The following CAST variants were observed in gnomAD, a reference collection of about 807,000 sequenced individuals.
The protein encoded by CAST is MIR583 host.
Under a neutral mutation model 119.6 loss-of-function variants are expected in CAST, and 76 were observed. The observed-to-expected ratio is 0.64, with a 90% CI of 0.53 to 0.77. The LOEUF (loss-of-function observed/expected upper bound fraction) is 0.77, where lower values mean the gene tolerates loss of function less well. Ranked by LOEUF, CAST falls within the 30% of genes least tolerant of loss-of-function variation. The pLI, the probability that CAST is intolerant of heterozygous loss-of-function variation, is 0.00. For synonymous variants in CAST, 319 were observed against 331.6 expected (o/e 0.96, Z 0.41); for missense variants, 953 against 946.5 (o/e 1.01, Z -0.09).
Position 96,700,595 on chromosome 5 carries a change from G to A in CAST, c.210+4688G>A, listed in dbSNP as rs140931483. 6.1e-4 allele frequency among the ~76,000 whole-genome samples: 93 copies of A among 152,304 alleles called. 1 individual carries two copies. The East Asian group carries it at 0.011, about 18-fold the overall frequency. On this transcript the variant is annotated intron_variant, in intron 3 of 31. Transcript: ENST00000675179. The stretch of plus-strand genomic sequence containing the variant: ...GCTGCTGCTTTGGCAACCACATTTT[G>A]AGTAGCCAGGAGACTGAATAGTGCA...
chr5:96,155,940 G>A, the CAST span, among the ~76,000 whole-genome samples: 1 of 152,204 alleles, frequency 6.6e-6, no homozygotes, highest in African/African-American at 2.4e-5. Context: ...TAAAGGGAGG[G>A]GGCCTCACTG....
upstream of CAST, among the ~76,000 whole-genome samples, chr5:96,524,675 T>C (rs1745571462): frequency 6.6e-6 from 1 of 152,200 alleles, no homozygotes; most frequent in African/African-American, 2.4e-5. Context: ...TAGAGCACCC[T>C]GCCCCTATAT....
chr5:96,001,677 A>G, the CAST span, among the ~76,000 whole-genome samples: 1 of 152,228 alleles, frequency 6.6e-6, no homozygotes, highest in East Asian at 1.9e-4. Flanking sequence ...GCAAACCTAC[A>G]GTGTAAGATA....
chr5:96,429,810 AG>A, the CAST span, among the ~76,000 whole-genome samples: 1 of 152,224 alleles, frequency 6.6e-6, no homozygotes, highest in Non-Finnish European at 1.5e-5. Context: ...GATGACCCTC[AG>A]AATATTATTG....
the CAST span, among the ~76,000 whole-genome samples, chr5:96,286,277 A>G: frequency 6.6e-6 from 1 of 152,132 alleles, no homozygotes; most frequent in South Asian, 2.1e-4. Flanking sequence ...TGCTTTAAAT[A>G]CTCTAGTTGC....
At chr5:96,384,750 G>A in the CAST span, among the ~76,000 whole-genome samples, 1 of 152,318 alleles carries the variant, frequency 6.6e-6, no homozygotes, top group African/African-American at 2.4e-5. Context: ...CTTTCCAAGT[G>A]AGCCGAGAGA....
chr5:96,675,681 T>G, intron 2 of CAST, 80 bp downstream of exon 2: 1 of 1,052,940 alleles, frequency 9.5e-7, no homozygotes, highest in Non-Finnish European at 1.4e-6. Flanking sequence ...AATAACGATG[T>G]AGCAAAGAGC....
the CAST span, among the ~76,000 whole-genome samples, chr5:96,455,388 T>C: frequency 6.6e-6 from 1 of 152,266 alleles, no homozygotes; most frequent in African/African-American, 2.4e-5. Flanking sequence ...AGGTGACTTT[T>C]ATTTTGGGCA....
At chr5:96,592,047 T>C (rs1228739969) in intron 1 of CAST, among the ~76,000 whole-genome samples, 1 of 152,180 alleles carries the variant, frequency 6.6e-6, no homozygotes, top group Admixed American at 6.5e-5. Flanking sequence ...CTCTTAGCCA[T>C]GTTTGTCAAA....
At chr5:96,463,900 C>T in the CAST span, among the ~76,000 whole-genome samples, 3,256 of 152,136 alleles carry the variant, frequency 0.021, 77 homozygotes, top group African/African-American at 0.049. Flanking sequence ...CCTCTTCCAT[C>T]TTTAACTTCT....
At chr5:96,538,759 A>AGCT (rs1475929648) in intron 1 of CAST, among the ~76,000 whole-genome samples, 1 of 151,980 alleles carries the variant, frequency 6.6e-6, no homozygotes, top group Non-Finnish European at 1.5e-5. Flanking sequence ...CCGCTCCCTC[A>AGCT]GAAATGAAAT....
chr5:96,596,829 G>A (rs188552787), intron 1 of CAST, among the ~76,000 whole-genome samples: 1 of 152,124 alleles, frequency 6.6e-6, no homozygotes, highest in African/African-American at 2.4e-5. Flanking sequence ...GTGCCAGCAG[G>A]GTTAGTTTCT....
chr5:96,180,932 T>A, the CAST span, among the ~76,000 whole-genome samples: 1 of 152,242 alleles, frequency 6.6e-6, no homozygotes, highest in Non-Finnish European at 1.5e-5. Context: ...AAACTGCATC[T>A]AGAACCAAAT....
the CAST span, among the ~76,000 whole-genome samples, chr5:95,987,072 C>T: frequency 2.0e-5 from 3 of 152,206 alleles, no homozygotes; most frequent in African/African-American, 7.2e-5. Context: ...CTGATTGCTG[C>T]CTGGGACTTT....
chr5:96,091,131 A>C, the CAST span, among the ~76,000 whole-genome samples: 2 of 151,642 alleles, frequency 1.3e-5, no homozygotes, highest in Non-Finnish European at 2.9e-5. Flanking sequence ...CTTTGGAGAC[A>C]GACAGGCCTG....
intron 3 of CAST, chr5:96,703,064 G>A: frequency 4.7e-6 from 2 of 423,042 alleles, no homozygotes; most frequent in Non-Finnish European, 6.3e-6. Context: ...CTACTATCGC[G>A]ACCCTGGCGA....
chr5:96,683,344 T>C (rs1751676954), intron 2 of CAST, among the ~76,000 whole-genome samples: 1 of 152,246 alleles, frequency 6.6e-6, no homozygotes, highest in Non-Finnish European at 1.5e-5. Context: ...TAGTGTTTGG[T>C]TAAGTTCTGC....
At chr5:96,256,610 G>A in the CAST span, among the ~76,000 whole-genome samples, 1 of 151,650 alleles carries the variant, frequency 6.6e-6, no homozygotes, top group Middle Eastern at 3.4e-3. Context: ...ATAACACAAT[G>A]CTAAGTATTT....
chr5:96,684,565 CTTT>C (rs553311999), intron 2 of CAST, among the ~76,000 whole-genome samples: 6 of 142,552 alleles, frequency 4.2e-5, no homozygotes, highest in Admixed American at 7.1e-5. Context: ...GCATCACTAT[CTTT>C]TTTTTTTTTT....
Sources: gnomAD v4.1 joint callset for allele counts (sites outside exome capture counted in the v4.1 genomes callset) on GRCh38, gnomAD v4.1.1 for gene constraint, MANE v1.5 for transcripts, NCBI Gene and HGNC (gene_info 2026-07-23, HGNC 2026-07-21) for gene names.